Variants in ABCA13 observed in about 807,000 individuals in gnomAD.
The protein encoded by ABCA13 is ATP binding cassette subfamily A member 13.
A neutral mutation model predicts 478.7 loss-of-function variants in ABCA13; 476 were observed. The observed-to-expected ratio is 0.99, with a 90% CI of 0.92 to 1.07. The LOEUF (loss-of-function observed/expected upper bound fraction) is 1.07. Ranked by LOEUF, ABCA13 falls within the 50% of genes least tolerant of loss-of-function variation. The pLI, the probability that ABCA13 is intolerant of heterozygous loss-of-function variation, is 0.00. For synonymous variants in ABCA13, 2,252 were observed against 2,158.9 expected, an observed-to-expected ratio of 1.04 and a Z score of -1.20; for missense variants, 6,060 against 5,910.6, an observed-to-expected ratio of 1.03 and a Z score of -0.83.
intron 59 of ABCA13, among the ~76,000 whole-genome samples, chr7:48,641,482 C>A (rs1195157767): frequency 6.6e-6 from 1 of 152,162 alleles, no homozygotes; most frequent in Non-Finnish European, 1.5e-5. Context: ...TCAGTCAGTC[C>A]TCTCACAACC....
chr7:48,203,226 G>T (rs1037568718), intron 3 of ABCA13, among the ~76,000 whole-genome samples: 2 of 145,062 alleles, frequency 1.4e-5, no homozygotes, highest in Non-Finnish European at 3.1e-5. Flanking sequence ...GGCCCGCCAA[G>T]CCCACGCGCA....
intron 42 of ABCA13, among the ~76,000 whole-genome samples, chr7:48,433,542 A>G (rs1208158158): frequency 6.6e-6 from 1 of 151,004 alleles, no homozygotes; most frequent in Non-Finnish European, 1.5e-5. Flanking sequence ...TATAAATTTT[A>G]CCATTTTAAC....
In ABCA13 at chr7:48,512,744, AAACT is replaced by A. The variant is rs1831800105; in HGVS notation, c.13640+1548_13640+1551del. Reference sequence around the variant, plus strand: ...GTGAAACCCTTTAAGAATTTGAATTAAACTAAGAATTCTCTTCATACATAACTAC... The same window carrying A: ...GTGAAACCCTTTAAGAATTTGAATTAAAGAATTCTCTTCATACATAACTAC... On this transcript the variant is annotated intron_variant, in intron 51 of 61. Transcript: ENST00000435803. Among the ~76,000 whole-genome samples, 3 of 93,162 alleles carry A rather than the reference AAACT, an allele frequency of 3.2e-5. No homozygotes were observed. In the South Asian group the frequency reaches 1.4e-3, roughly 43 times the overall value. The allele number at this position is 93,162 out of a possible 152,430, so 61.1% of individuals were successfully genotyped here.
At chr7:48,185,725 CT>C (rs920837284) in intron 1 of ABCA13, among the ~76,000 whole-genome samples, 104 of 152,076 alleles carry the variant, frequency 6.8e-4, no homozygotes, top group Middle Eastern at 7.0e-3. Context: ...TTTAAAAACA[CT>C]TTTTTTGATT....
At chr7:48,438,890 T>TTTTTTTTG (rs1823215484) in intron 42 of ABCA13, among the ~76,000 whole-genome samples, 1 of 151,622 alleles carries the variant, frequency 6.6e-6, no homozygotes, top group African/African-American at 2.4e-5. Context: ...TAAGGTTTTT[T>TTTTTTTTG]TTTTTTTTTA....
In ABCA13 at chr7:48,249,320, T is replaced by TA. The variant is rs1247896545; in HGVS notation, c.1975dup (p.Met659AsnfsTer14). 6.2e-7 allele frequency: 1 copy of TA among 1,613,106 alleles called. No homozygotes were observed. The highest frequency in any genetic ancestry group is 8.5e-7 in the Non-Finnish European group (1 of 1,179,432). ...CTTGCGAAGTGGCCCAATATGTAAA[T>TA]ATGCAAGAGAGTTTCCAGAACAGAC... is the stretch of plus-strand genomic sequence containing the variant. On this transcript the variant is annotated frameshift_variant, in exon 15 of 62. Coordinates refer to ENST00000435803, the MANE Select transcript of ABCA13 (RefSeq NM_152701.5). LOFTEE classifies it high-confidence loss of function.
At chr7:48,533,736 A>T (rs1833392076) in intron 55 of ABCA13, among the ~76,000 whole-genome samples, 1 of 152,020 alleles carries the variant, frequency 6.6e-6, no homozygotes, top group Admixed American at 6.6e-5. Context: ...TCCTTTTGTC[A>T]TTATATAATG....
chr7:48,543,221 C>T (rs10248546), intron 55 of ABCA13, among the ~76,000 whole-genome samples: 22,717 of 151,268 alleles, frequency 0.15, 2,196 homozygotes, highest in East Asian at 0.3. Flanking sequence ...TTCTGTAAGT[C>T]GAAACATTAA....
At chr7:48,442,579 T>G (rs1823771395) in intron 42 of ABCA13, among the ~76,000 whole-genome samples, 1 of 152,240 alleles carries the variant, frequency 6.6e-6, no homozygotes, top group Non-Finnish European at 1.5e-5. Context: ...TATTAACTGC[T>G]TAGTGTAATG....
Position 48,279,824 on chromosome 7 carries a change from CT to C in ABCA13, c.8632del (p.Tyr2878IlefsTer19). On this transcript the variant is annotated frameshift_variant, in exon 18 of 62. Coordinates refer to ENST00000435803, the MANE Select transcript of ABCA13 (RefSeq NM_152701.5). LOFTEE classifies it high-confidence loss of function. ...ERTKKEMIDFPYSFKPFFCLE... is the reference protein window; with the variant it reads ...ERTKKEMIDFXYSFKPFFCLE... ...ACCAAGAAAGAGATGATTGACTTTC[CT>C]TATAGTTTCAAACCATTTTTCTGTT... The C allele has an allele frequency of 1.3e-6, 2 of 1,590,212 alleles. No homozygotes were observed. Among genetic ancestry groups the C allele is most frequent in the Non-Finnish European group, 1.7e-6 (2 of 1,171,684 alleles).
intron 53 of ABCA13, among the ~76,000 whole-genome samples, chr7:48,522,630 T>C (rs1012677342): frequency 6.6e-6 from 1 of 152,210 alleles, no homozygotes. Flanking sequence ...TGGGCATAGT[T>C]GGATTCCTGT....
At chr7:48,584,595 G>A in intron 56 of ABCA13, among the ~76,000 whole-genome samples, 1 of 152,152 alleles carries the variant, frequency 6.6e-6, no homozygotes. Context: ...TCCAGGGCTG[G>A]TTCCTGCCTT....
chr7:48,249,489 G>C (rs1208450126), intron 15 of ABCA13, 138 bp downstream of exon 15: 7 of 1,119,780 alleles, frequency 6.3e-6, no homozygotes, highest in Non-Finnish European at 9.0e-6. Flanking sequence ...TTGGCATTGT[G>C]ATTACTTCAT....
At chr7:48,586,025 G>T (rs17132489) in intron 56 of ABCA13, among the ~76,000 whole-genome samples, 1 of 152,116 alleles carries the variant, frequency 6.6e-6, no homozygotes, top group African/African-American at 2.4e-5. Context: ...CACAGAAGAG[G>T]TGACACATAT....
In ABCA13 at chr7:48,455,324, C is replaced by G. The variant is rs1260148592; in HGVS notation, c.12815+38C>G. On this transcript the variant is annotated intron_variant, in intron 43 of 61. Coordinates refer to ENST00000435803, the MANE Select transcript of ABCA13 (RefSeq NM_152701.5). ...TGTTCCTTTGATTTCGAAATTATGT[C>G]GAGGCAGATTATGAATTGCAATAGC... 1.9e-6 allele frequency: 3 copies of G among 1,567,480 alleles called. No individual in the cohort carries two copies. In the Admixed American group the frequency reaches 5.4e-5, roughly 28 times the overall value.
Position 48,273,225 on chromosome 7 carries a change from G to A in ABCA13, c.3559G>A (p.Glu1187Lys), listed in dbSNP as rs1795860957. The A allele has an allele frequency of 1.2e-6, 2 of 1,613,494 alleles. No individual in the cohort carries two copies. The highest frequency in any genetic ancestry group is 1.3e-5 in the African/African-American group (1 of 74,898). ...HGFTQLLDELEDDVKVSKSCQ... is the reference protein window; with the variant it reads ...HGFTQLLDELKDDVKVSKSCQ... The stretch of plus-strand genomic sequence containing the variant: ...TTTCACTCAGCTTTTGGATGAATTG[G>A]AAGATGATGTGAAAGTCTCTAAAAG... Residue 1187 changes from glutamate to lysine, a missense_variant, in exon 17 of 62, where the codon GAA becomes AAA. Around this residue, in one of 3 missense-constraint regions of ABCA13, gnomAD observed 4,423 missense variants for 4,309.1 expected, o/e 1.03. Coordinates refer to ENST00000435803, the MANE Select transcript of ABCA13 (RefSeq NM_152701.5).
At position 48,271,894 on chromosome 7, in the gene ABCA13, T is replaced by C; in HGVS notation, c.2228T>C (p.Leu743Ser). The change falls in exon 17 of 62, where the codon TTA (leucine) becomes TCA (serine). Residue 743 changes from leucine (L) to serine (S), a missense_variant. This residue lies in a region of ABCA13 where 4,423 missense variants were observed against 4,309.1 expected (regional missense o/e 1.03). Coordinates refer to ENST00000435803, the MANE Select transcript of ABCA13 (RefSeq NM_152701.5). ...TCATTTGTGGAATTTTTTGAGAAAT[T>C]ATTGTTGCCTAATCTTTTTGACTCC... ...LLSFVEFFEK[L>S]LLPNLFDSSI... is the part of the protein sequence containing the mutation. 1 of 1,612,838 alleles carries C rather than the reference T, an allele frequency of 6.2e-7. No individual in the cohort carries two copies. The highest frequency in any genetic ancestry group is 8.5e-7 in the Non-Finnish European group (1 of 1,179,328).
intron 3 of ABCA13, among the ~76,000 whole-genome samples, chr7:48,202,666 A>C (rs1391272007): frequency 7.1e-6 from 1 of 139,884 alleles, no homozygotes; most frequent in East Asian, 2.1e-4. Flanking sequence ...GCCCCACCTG[A>C]GCAGCTAGAT....
At chr7:48,488,381 T>C (rs192453386) in intron 47 of ABCA13, among the ~76,000 whole-genome samples, 1 of 152,124 alleles carries the variant, frequency 6.6e-6, no homozygotes, top group Admixed American at 6.6e-5. Context: ...GAAAAGAGAT[T>C]GGAAGCCCTC....
Sources: gnomAD v4.1 joint callset for allele counts (sites outside exome capture counted in the v4.1 genomes callset) on GRCh38, gnomAD v4.1.1 for gene constraint, gnomAD v4.1.1 regional missense constraint, MANE v1.5 for transcripts, NCBI Gene and HGNC (gene_info 2026-07-23, HGNC 2026-07-21) for gene names.